RBFOX1: variants seen among roughly 807,000 people sequenced by gnomAD.
The protein encoded by RBFOX1 is RNA binding fox-1 homolog 1.
Under a neutral mutation model 57.7 loss-of-function variants are expected in RBFOX1, and 8 were observed. The observed-to-expected ratio is 0.14, with a 90% confidence interval of 0.08 to 0.25. The LOEUF is 0.25. Ranked by LOEUF, RBFOX1 falls within the 10% of genes least tolerant of loss-of-function variation. The pLI, the probability that RBFOX1 is intolerant of heterozygous loss-of-function variation, is 1.00. For synonymous variants in RBFOX1, 326 were observed against 222.4 expected (o/e 1.47, Z -4.15); for missense variants, 611 against 548.5 (o/e 1.11, Z -1.14).
At chr16:6,860,659 G>A (rs1355657486) in intron 3 of RBFOX1, among the ~76,000 whole-genome samples, 1 of 152,104 alleles carries the variant, frequency 6.6e-6, no homozygotes, top group African/African-American at 2.4e-5. Flanking sequence ...CCACCAATAG[G>A]GAAATAGAAG....
At chr16:6,895,333 C>G (rs1011060740) in intron 3 of RBFOX1, among the ~76,000 whole-genome samples, 2 of 150,588 alleles carry the variant, frequency 1.3e-5, no homozygotes, top group African/African-American at 4.9e-5. Context: ...TGATGATTTA[C>G]TAAATATGGA....
At chr16:5,955,335 A>G (rs141171917) in intron 4 of RBFOX1, among the ~76,000 whole-genome samples, 46,574 of 80,972 alleles carry the variant, frequency 0.58, 11,199 homozygotes, top group Admixed American at 0.61. Context: ...ATAAAATAAA[A>G]TAAAATAAAA....
chr16:6,998,525 G>A (rs147166602), intron 3 of RBFOX1, among the ~76,000 whole-genome samples: 4 of 152,292 alleles, frequency 2.6e-5, no homozygotes, highest in African/African-American at 9.6e-5. Context: ...AGAAGCAAGA[G>A]ACAAAGTTCT....
chr16:6,671,069 A>G (rs1186997411), intron 3 of RBFOX1, among the ~76,000 whole-genome samples: 3 of 152,242 alleles, frequency 2.0e-5, no homozygotes, highest in Non-Finnish European at 4.4e-5. Context: ...TTTAAAAACC[A>G]GAGTACTCAT....
chr16:6,380,285 G>A (rs1165173513), intron 2 of RBFOX1, among the ~76,000 whole-genome samples: 3 of 151,750 alleles, frequency 2.0e-5, no homozygotes, highest in South Asian at 2.1e-4. Context: ...TGGGACTGAT[G>A]TTCTCCTTGG....
At chr16:7,160,668 T>C (rs986056801) in intron 4 of RBFOX1, among the ~76,000 whole-genome samples, 39 of 152,136 alleles carry the variant, frequency 2.6e-4, no homozygotes, top group African/African-American at 8.0e-4. Context: ...TGAGGCATAA[T>C]CTTCATCTTA....
chr16:6,132,927 T>C (rs1157005775), intron 1 of RBFOX1, among the ~76,000 whole-genome samples: 1 of 147,224 alleles, frequency 6.8e-6, no homozygotes, highest in Non-Finnish European at 1.5e-5. Flanking sequence ...ATCATGCCAC[T>C]GCACTCCATC....
intron 4 of RBFOX1, among the ~76,000 whole-genome samples, chr16:7,210,160 C>A (rs967442608): frequency 2.0e-5 from 3 of 152,142 alleles, no homozygotes; most frequent in Admixed American, 2.0e-4. Flanking sequence ...ATGATGATGA[C>A]AATGATTTTA....
intron 4 of RBFOX1, among the ~76,000 whole-genome samples, chr16:5,898,285 T>C (rs2058216299): frequency 1.3e-5 from 2 of 152,152 alleles, no homozygotes; most frequent in Non-Finnish European, 2.9e-5. Flanking sequence ...TTATGGGAAC[T>C]AAATTCGAGT....
intron 2 of RBFOX1, among the ~76,000 whole-genome samples, chr16:6,451,536 A>G (rs974762195): frequency 6.6e-6 from 1 of 152,014 alleles, no homozygotes; most frequent in East Asian, 1.9e-4. Context: ...GACTTCCCCA[A>G]CGTGGGGAAG....
intron 11 of RBFOX1, among the ~76,000 whole-genome samples, chr16:7,651,532 T>A (rs2065062378): frequency 6.6e-6 from 1 of 152,204 alleles, no homozygotes; most frequent in Non-Finnish European, 1.5e-5. Context: ...AACCCTCACC[T>A]GGGTCCATGC....
intron 2 of RBFOX1, among the ~76,000 whole-genome samples, chr16:6,363,730 G>A (rs912508163): frequency 3.3e-5 from 5 of 152,164 alleles, no homozygotes; most frequent in South Asian, 2.1e-4. Flanking sequence ...CGAATTTCAC[G>A]TAGAAATCAA....
intron 2 of RBFOX1, among the ~76,000 whole-genome samples, chr16:6,450,980 G>C (rs1338646346): frequency 2.0e-5 from 3 of 147,426 alleles, no homozygotes; most frequent in Non-Finnish European, 4.5e-5. Context: ...AATGGGCCCA[G>C]TTTAAGACAA....
At chr16:5,603,857 C>T (rs900556713), downstream of RBFOX1, among the ~76,000 whole-genome samples, 1 of 152,174 alleles carries the variant, frequency 6.6e-6, no homozygotes, top group South Asian at 2.1e-4. Flanking sequence ...ATCCTGAACT[C>T]GTGGAAGTGA....
At chr16:7,425,569 G>A (rs1163419172) in intron 4 of RBFOX1, among the ~76,000 whole-genome samples, 1 of 152,162 alleles carries the variant, frequency 6.6e-6, no homozygotes, top group Non-Finnish European at 1.5e-5. Flanking sequence ...AGTGGCAAAT[G>A]TTCCTTCTGA....
intron 3 of RBFOX1, among the ~76,000 whole-genome samples, chr16:5,748,436 C>T (rs970484611): frequency 6.6e-6 from 1 of 152,144 alleles, no homozygotes; most frequent in African/African-American, 2.4e-5. Context: ...TCCTTGTTAA[C>T]TTTCGTCTCG....
At chr16:5,689,304 G>T (rs779887892) in intron 3 of RBFOX1, among the ~76,000 whole-genome samples, 5 of 152,162 alleles carry the variant, frequency 3.3e-5, no homozygotes, top group Non-Finnish European at 7.3e-5. Context: ...TATCATAATG[G>T]TTACCTATCA....
chr16:7,266,881 G>C (rs2095163935), intron 4 of RBFOX1, among the ~76,000 whole-genome samples: 1 of 152,132 alleles, frequency 6.6e-6, no homozygotes, highest in African/African-American at 2.4e-5. Context: ...CTTAGGACTG[G>C]GGGTGAGTGG....
At chr16:7,189,758 C>T (rs1309164705) in intron 4 of RBFOX1, among the ~76,000 whole-genome samples, 2 of 152,224 alleles carry the variant, frequency 1.3e-5, no homozygotes, top group Non-Finnish European at 2.9e-5. Context: ...CACCTGCAGG[C>T]AATCCCTTCT....
Sources: gnomAD v4.1 joint callset for allele counts (sites outside exome capture counted in the v4.1 genomes callset) on GRCh38, gnomAD v4.1.1 for gene constraint, MANE v1.5 for transcripts, NCBI Gene and HGNC (gene_info 2026-07-23, HGNC 2026-07-21) for gene names.